Variants in CHML observed in about 807,000 individuals in gnomAD.
The protein encoded by CHML is CHM like Rab escort protein, also known as rab proteins geranylgeranyltransferase component A 2.
In CHML, 20 loss-of-function variants were observed where a neutral mutation model predicts 30.4. The observed-to-expected ratio is 0.66, with a 90% confidence interval of 0.46 to 0.95. CHML has a LOEUF of 0.95. Ranked by LOEUF, CHML falls within the 40% of genes least tolerant of loss-of-function variation. CHML has a pLI of 0.00. For synonymous variants in CHML, 281 were observed against 275.0 expected (o/e 1.02, Z -0.22); for missense variants, 795 against 768.5 (o/e 1.03, Z -0.41).
rs1399765779 is a variant in CHML, at chr1:241,635,563, A to C, written c.204T>G (p.Ile68Met). 2 of 1,614,046 alleles carry C rather than the reference A, an allele frequency of 1.2e-6. No individual in the cohort carries two copies. The highest frequency in any genetic ancestry group is 1.7e-6 in the Non-Finnish European group (2 of 1,179,930). ...WLKEYQQNND[I>M]GEESTVVWQD... ...GCCATACAACAGTACTTTCTTCCCC[A>C]ATGTCATTGTTTTGCTGATACTCCT... is the stretch of plus-strand genomic sequence containing the variant. The change falls in exon 2 of 2, where the codon ATT becomes ATG. Residue 68 changes from isoleucine to methionine, a missense_variant. Physicochemically the swap from Ile to Met is conservative, Grantham distance 10. Transcript: ENST00000366553.
Position 241,634,931 on chromosome 1 carries a change from G to T in CHML, c.836C>A (p.Ser279Tyr). 6.2e-7 allele frequency: 1 copy of T among 1,612,826 alleles called. No homozygotes were observed. The highest frequency in any genetic ancestry group is 8.5e-7 in the Non-Finnish European group (1 of 1,179,606). The part of the protein sequence containing the change: ...REGKVEQVPC[S>Y]RADVFNSKEL... ...CTTGCTATTAAAGACATCTGCTCTG[G>T]AACAAGGAACTTGTTCTACCTTTCC... Residue 279 changes from serine (S) to tyrosine (Y), a missense_variant, in exon 2 of 2, where the codon TCC becomes TAC. Ser to Tyr is a moderately radical substitution (Grantham distance 144, BLOSUM62 -2). Transcript: ENST00000366553.
chr1:241,630,984 T>C lies in CHML; in HGVS notation c.*2812A>G, dbSNP rs569495780. 6.6e-6 allele frequency: 1 copy of C among 152,218 alleles called. No homozygotes were observed. Among genetic ancestry groups the C allele is most frequent in the African/African-American group, 2.4e-5 (1 of 41,560 alleles). The allele number at this position is 152,218 out of a possible 1,614,324, so 9.4% of individuals were successfully genotyped here. On this transcript the variant is annotated 3_prime_UTR_variant, in exon 2 of 2. Transcript: ENST00000366553. ...TGAGAATAAAATCCTTCTAAAAATG[T>C]CTTTTAGTACTGAGAACATGTCTGC...
At position 241,635,436 on chromosome 1, in the gene CHML, C is replaced by T. The variant is rs1360296795; in HGVS notation, c.331G>A (p.Asp111Asn). ...AGAGCACCAATCTCTTCAACGTTGT[C>T]CTCCATATCCTGACTGGCGTAGCAA... ...AFCYASQDME[D>N]NVEEIGALQK... Residue 111 changes from aspartate (D) to asparagine (N), a missense_variant, in exon 2 of 2, where the codon GAC becomes AAC. Coordinates refer to ENST00000366553, the MANE Select transcript of CHML (RefSeq NM_001381853.1). 3.1e-6 allele frequency: 5 copies of T among 1,613,842 alleles called. No homozygotes were observed. In the African/African-American group the frequency reaches 5.3e-5, roughly 17 times the overall value.
chr1:241,632,906 T>C lies in CHML; in HGVS notation c.*890A>G, dbSNP rs1029715742. ...CTTAGGAATTCCTAAGAATTCCTCC[T>C]TAGGAATTTCAGAACAGCCCTTCTG... On this transcript the variant is annotated 3_prime_UTR_variant, in exon 2 of 2. Coordinates refer to ENST00000366553, the MANE Select transcript of CHML (RefSeq NM_001381853.1). The C allele has an allele frequency of 6.6e-6, 1 of 152,098 alleles. No homozygotes were observed. The highest frequency in any genetic ancestry group is 2.4e-5 in the African/African-American group (1 of 41,436). 9.4% of individuals were successfully genotyped at this position (152,098 alleles called of 1,614,324 possible).
At position 241,640,309 on chromosome 1, in the gene CHML, G is replaced by C. The variant is rs1340972979; in HGVS notation, c.-735C>G. ...AGGCGCTCAGCTTGCGGCGGGGCTCGCGGCGCGCTCCGCACTGGGTGGGGT... is the reference window on the plus strand; with the variant it reads ...AGGCGCTCAGCTTGCGGCGGGGCTCCCGGCGCGCTCCGCACTGGGTGGGGT... On this transcript the variant is annotated 5_prime_UTR_variant, in exon 1 of 2. Coordinates refer to ENST00000366553, the MANE Select transcript of CHML (RefSeq NM_001381853.1). The C allele has an allele frequency of 3.6e-6, 4 of 1,104,068 alleles. No individual in the cohort carries two copies. The highest frequency in any genetic ancestry group is 4.4e-6 in the Non-Finnish European group (4 of 910,122). 68.4% of individuals were successfully genotyped at this position (1,104,068 alleles called of 1,614,324 possible).
chr1:241,636,966 A>AAC (rs1553357077), intron 1 of CHML, among the ~76,000 whole-genome samples: 66 of 151,748 alleles, frequency 4.3e-4, no homozygotes, highest in Non-Finnish European at 8.0e-4. Flanking sequence ...AAAAAAAAAA[A>AAC]AATAATAAGG....
Position 241,628,883 on chromosome 1 carries a change from T to C in CHML, c.*4913A>G, listed in dbSNP as rs1664504941. ...AACCACTTTACCAATTAATCTTTTA[T>C]TTTTTATTGCATACATCAATATTTA... On this transcript the variant is annotated 3_prime_UTR_variant, in exon 2 of 2. Transcript: ENST00000366553. 1 of 152,596 alleles carries C rather than the reference T, an allele frequency of 6.6e-6. No individual in the cohort carries two copies. The highest frequency in any genetic ancestry group is 1.5e-5 in the Non-Finnish European group (1 of 68,030). 9.5% of individuals were successfully genotyped at this position (152,596 alleles called of 1,614,324 possible).
Position 241,635,525 on chromosome 1 carries a change from T to C in CHML, c.242A>G (p.His81Arg). The C allele has an allele frequency of 5.0e-6, 8 of 1,614,030 alleles. No homozygotes were observed. Among genetic ancestry groups the C allele is most frequent in the Non-Finnish European group, 6.8e-6 (8 of 1,179,952 alleles). Residue 81 changes from histidine (H) to arginine (R), a missense_variant, in exon 2 of 2, where the codon CAT becomes CGT. His to Arg is a conservative substitution (Grantham distance 29, BLOSUM62 0). Transcript: ENST00000366553. ...ESTVVWQDLI[H>R]ETEEAITLRK... ...AAGAGTGATGGCTTCTTCTGTTTCATGGATCAGGTCCTGCCATACAACAGT... is the reference window on the plus strand; with the variant it reads ...AAGAGTGATGGCTTCTTCTGTTTCACGGATCAGGTCCTGCCATACAACAGT...
chr1:241,634,654 G>A lies in CHML; in HGVS notation c.1113C>T (p.Gly371=), dbSNP rs762651762. The change falls in exon 2 of 2, where the codon GGC becomes GGT. Residue 371 remains glycine (G), a synonymous_variant. Transcript: ENST00000366553. ...KNFLQCLGRF[G]NTPFLFPLYG... ...ACAAGGGAAATAAAAAGGGGGTGTTGCCAAACCGTCCGAGACACTGAAGGA... is the reference window on the plus strand; with the variant it reads ...ACAAGGGAAATAAAAAGGGGGTGTTACCAAACCGTCCGAGACACTGAAGGA... The A allele has an allele frequency of 6.2e-7, 1 of 1,613,822 alleles. No homozygotes were observed. The highest frequency in any genetic ancestry group is 2.2e-5 in the East Asian group (1 of 44,896).
chr1:241,633,000 T>C lies in CHML; in HGVS notation c.*796A>G, dbSNP rs1199340330. On this transcript the variant is annotated 3_prime_UTR_variant, in exon 2 of 2. Coordinates refer to ENST00000366553, the MANE Select transcript of CHML (RefSeq NM_001381853.1). ...GTTACTTATTGGAAGCTATTTTAAG[T>C]GCCAGGGCAGGGCTCTGCAGAAATT... The C allele has an allele frequency of 6.6e-6, 1 of 152,136 alleles. No individual in the cohort carries two copies. Among genetic ancestry groups the C allele is most frequent in the Non-Finnish European group, 1.5e-5 (1 of 68,006 alleles). 9.4% of individuals were successfully genotyped at this position (152,136 alleles called of 1,614,324 possible). A position where few individuals can be genotyped will look rare whatever the true frequency, so the allele number is the denominator to read the frequency against.
Position 241,634,623 on chromosome 1 carries a change from G to C in CHML, c.1144C>G (p.Gln382Glu). 1.9e-6 allele frequency: 3 copies of C among 1,613,810 alleles called. No individual in the cohort carries two copies. The highest frequency in any genetic ancestry group is 2.5e-6 in the Non-Finnish European group (3 of 1,179,872). The change falls in exon 2 of 2, where the codon CAA (glutamine) becomes GAA (glutamate). Residue 382 changes from glutamine to glutamate, a missense_variant. Coordinates refer to ENST00000366553, the MANE Select transcript of CHML (RefSeq NM_001381853.1). ...CAGAAACCCTGGGGAATTTCTCCTT[G>C]GCCATACAAGGGAAATAAAAAGGGG... ...NTPFLFPLYG[Q>E]GEIPQGFCRM...
chr1:241,638,218 A>G (rs1664977839), intron 1 of CHML, among the ~76,000 whole-genome samples: 1 of 152,186 alleles, frequency 6.6e-6, no homozygotes, highest in Non-Finnish European at 1.5e-5. Context: ...CAAAAATCTA[A>G]GTGAACTTAG....
At position 241,634,401 on chromosome 1, in the gene CHML, T is replaced by C; in HGVS notation, c.1366A>G (p.Arg456Gly). ...CSNVQYKQIS[R>G]AVLITDQSIL... ...GACTGATCTGTAATGAGTACTGCCC[T>C]AGAGATCTGCTTATACTGCACATTT... The change falls in exon 2 of 2, where the codon AGG becomes GGG. Residue 456 changes from arginine (R) to glycine (G), a missense_variant. Physicochemically the swap from Arg to Gly is moderately radical, Grantham distance 125 (BLOSUM62 -2). Transcript: ENST00000366553. 2 of 1,613,896 alleles carry C rather than the reference T, an allele frequency of 1.2e-6. No individual in the cohort carries two copies. Among genetic ancestry groups the C allele is most frequent in the Non-Finnish European group, 1.7e-6 (2 of 1,179,918 alleles).
chr1:241,634,329 G>C lies in CHML; in HGVS notation c.1438C>G (p.Pro480Ala). 1 of 1,613,980 alleles carries C rather than the reference G, an allele frequency of 6.2e-7. No individual in the cohort carries two copies. Among genetic ancestry groups the C allele is most frequent in the South Asian group, 1.1e-5 (1 of 91,070 alleles). Residue 480 changes from proline (P) to alanine (A), a missense_variant, in exon 2 of 2, where the codon CCT becomes GCT. Physicochemically the swap from Pro to Ala is conservative, Grantham distance 27. Coordinates refer to ENST00000366553, the MANE Select transcript of CHML (RefSeq NM_001381853.1). ...GCACAAGCTCCTGGCTCTGCTGGAG[G>C]AACTATCAGAATGGAAGTCTGCTGA... ...LDQQTSILIV[P>A]PAEPGACAVR...
chr1:241,634,128 T>C lies in CHML; in HGVS notation c.1639A>G (p.Arg547Gly). ...TTAAAATAAAGAGCCCACAAGAGTC[T>C]TGGCTTTGTAAGTTCTTCCTCGTTT... ...EINEEELTKP[R>G]LLWALYFNMR... The change falls in exon 2 of 2, where the codon AGA (arginine) becomes GGA (glycine). Residue 547 changes from arginine (R) to glycine (G), a missense_variant. Transcript: ENST00000366553. 3.1e-6 allele frequency: 5 copies of C among 1,613,036 alleles called. No homozygotes were observed. The highest frequency in any genetic ancestry group is 3.4e-6 in the Non-Finnish European group (4 of 1,179,684).
chr1:241,634,415 T>A lies in CHML; in HGVS notation c.1352A>T (p.Tyr451Phe), dbSNP rs550461531. The A allele has an allele frequency of 1.3e-5, 21 of 1,613,786 alleles. No individual in the cohort carries two copies. Among genetic ancestry groups the A allele is most frequent in the Non-Finnish European group, 1.7e-5 (20 of 1,179,938 alleles). Residue 451 changes from tyrosine (Y) to phenylalanine (F), a missense_variant, in exon 2 of 2, where the codon TAT becomes TTT. Physicochemically the swap from Tyr to Phe is conservative, Grantham distance 22 (BLOSUM62 3). Coordinates refer to ENST00000366553, the MANE Select transcript of CHML (RefSeq NM_001381853.1). ...GAGTACTGCCCTAGAGATCTGCTTA[T>A]ACTGCACATTTGAGCATGTTTCCTC... is the stretch of plus-strand genomic sequence containing the variant. Reference protein sequence around the residue: ...LSEETCSNVQYKQISRAVLIT... With the variant: ...LSEETCSNVQFKQISRAVLIT...
At position 241,635,392 on chromosome 1, in the gene CHML, CA is replaced by C; in HGVS notation, c.374del (p.Leu125TrpfsTer43). On this transcript the variant is annotated frameshift_variant, in exon 2 of 2. Transcript: ENST00000366553. LOFTEE classifies it high-confidence loss of function. ...EIGALQKNPS[L>X]GVSNTFTEVL... Reference sequence around the variant, plus strand: ...CTTCAGTGAAGGTATTAGACACCCCCAAAGAAGGATTTTTCTGCAGAGCACC... The same window carrying C: ...CTTCAGTGAAGGTATTAGACACCCCCAAGAAGGATTTTTCTGCAGAGCACC... The C allele has an allele frequency of 6.2e-7, 1 of 1,614,032 alleles. No homozygotes were observed. The highest frequency in any genetic ancestry group is 1.3e-5 in the African/African-American group (1 of 75,032).
In CHML at chr1:241,634,938, G is replaced by C. The variant is rs763052646; in HGVS notation, c.829C>G (p.Pro277Ala). The C allele has an allele frequency of 1.2e-6, 2 of 1,613,110 alleles. No homozygotes were observed. The highest frequency in any genetic ancestry group is 1.1e-5 in the South Asian group (1 of 90,890). Residue 277 changes from proline to alanine, a missense_variant, in exon 2 of 2, where the codon CCT becomes GCT. Coordinates refer to ENST00000366553, the MANE Select transcript of CHML (RefSeq NM_001381853.1). ...AFREGKVEQVPCSRADVFNSK... is the reference protein window; with the variant it reads ...AFREGKVEQVACSRADVFNSK... Reference sequence around the variant, plus strand: ...TTAAAGACATCTGCTCTGGAACAAGGAACTTGTTCTACCTTTCCTTCCCGA... The same window carrying C: ...TTAAAGACATCTGCTCTGGAACAAGCAACTTGTTCTACCTTTCCTTCCCGA...
At chr1:241,639,713 C>G (rs1228194353) in intron 1 of CHML, among the ~76,000 whole-genome samples, 169 bp downstream of exon 1, 1 of 128,876 alleles carries the variant, frequency 7.8e-6, no homozygotes, top group Non-Finnish European at 1.6e-5. Context: ...CGGCTGGGGT[C>G]GGGCAGCGTT....
Sources: allele counts gnomAD v4.1 joint callset (sites outside exome capture counted in the v4.1 genomes callset), GRCh38; gene constraint gnomAD v4.1.1; transcripts MANE v1.5; gene names NCBI Gene and HGNC (gene_info 2026-07-23, HGNC 2026-07-21).